Variants in TNKS2 observed in about 807,000 individuals in gnomAD.
TNKS2 encodes poly [ADP-ribose] polymerase tankyrase-2.
TNKS2 carries 72 observed loss-of-function variants against 137.6 expected under a neutral mutation model. The ratio of observed to expected loss-of-function variants is 0.52; its 90% CI spans 0.43 to 0.64. The LOEUF is 0.64. Among genes scored for constraint, TNKS2 ranks in the 30% least tolerant of loss-of-function variants. The probability of loss-of-function intolerance (pLI) is 0.00; values close to 1 mark genes in which losing one functional copy is unlikely to be tolerated. For synonymous variants in TNKS2, 516 were observed against 512.1 expected (o/e 1.01, Z -0.10); for missense variants, 1,049 against 1,410.2 (o/e 0.74, Z 4.10).
chr10:91,829,633 G>A (rs1327645516), intron 9 of TNKS2, among the ~76,000 whole-genome samples: 1 of 152,128 alleles, frequency 6.6e-6, no homozygotes, highest in Non-Finnish European at 1.5e-5. Flanking sequence ...GGTGTCCTGG[G>A]ATGATTACCC....
Position 91,855,199 on chromosome 10 carries a change from T to C in TNKS2, c.2913+73T>C, listed in dbSNP as rs537404751. ...CACTTTGTATCCTCTTGTTTCTTTT[T>C]CTTCCTTTAGTTTGCATTATATAAT... On this transcript the variant is annotated intron_variant, in intron 22 of 26. Coordinates refer to ENST00000371627, the MANE Select transcript of TNKS2 (RefSeq NM_025235.4). The C allele has an allele frequency of 4.3e-4, 411 of 965,228 alleles. 1 individual carries two copies. Among genetic ancestry groups the C allele is most frequent in the African/African-American group, 2.5e-3 (155 of 61,430 alleles). 59.8% of individuals were successfully genotyped at this position (965,228 alleles called of 1,614,324 possible).
rs1337491454 is a variant in TNKS2 at position 91,817,610 on chromosome 10, A to G, written c.520+381A>G. On this transcript the variant is annotated intron_variant, in intron 3 of 26. Coordinates refer to ENST00000371627, the MANE Select transcript of TNKS2 (RefSeq NM_025235.4). Reference sequence around the variant, plus strand: ...CTTCAAAACACTTCTGGTCTTAAGCATTTCAGATAAGGGATATTCAAGCTG... The same window carrying G: ...CTTCAAAACACTTCTGGTCTTAAGCGTTTCAGATAAGGGATATTCAAGCTG... 3.3e-5 allele frequency among the ~76,000 whole-genome samples: 5 copies of G among 152,158 alleles called. No individual in the cohort carries two copies. The South Asian group carries it at 1.0e-3, about 32-fold the overall frequency.
intron 1 of TNKS2, among the ~76,000 whole-genome samples, chr10:91,812,356 C>T (rs528747868): frequency 4.6e-5 from 7 of 152,180 alleles, no homozygotes; most frequent in Admixed American, 1.3e-4. Flanking sequence ...CTAAAGGAGG[C>T]CTCCTACATG....
rs1841906930 is a variant in TNKS2, at chr10:91,833,948, T to G, written c.1371T>G (p.Cys457Trp). The change falls in exon 12 of 27, where the codon TGT (cysteine) becomes TGG (tryptophan). Residue 457 changes from cysteine to tryptophan, a missense_variant. This residue lies in a region of TNKS2 where 328 missense variants were observed against 436.0 expected (regional missense o/e 0.75). Transcript: ENST00000371627. ...QTCRLLLSYG[C>W]DPNIISLQGF... ...GCCGCCTACTCCTGAGCTATGGGTG[T>G]GATCCTAACATTATATCCCTTCAGG... The G allele has an allele frequency of 1.2e-6, 2 of 1,613,798 alleles. No individual in the cohort carries two copies. Among genetic ancestry groups the G allele is most frequent in the Non-Finnish European group, 1.7e-6 (2 of 1,179,884 alleles).
chr10:91,810,632 A>G (rs1450752852), intron 1 of TNKS2, among the ~76,000 whole-genome samples: 1 of 150,794 alleles, frequency 6.6e-6, no homozygotes, highest in Non-Finnish European at 1.5e-5. Flanking sequence ...CCACCCAAGT[A>G]GCTGGGACTA....
chr10:91,819,040 AT>A (rs942682747), intron 3 of TNKS2, among the ~76,000 whole-genome samples: 1 of 152,060 alleles, frequency 6.6e-6, no homozygotes, highest in Admixed American at 6.5e-5. Flanking sequence ...GTTGCCTTTC[AT>A]TATATAAAAT....
chr10:91,840,009 A>G (rs1346841057), intron 13 of TNKS2, among the ~76,000 whole-genome samples: 1 of 152,168 alleles, frequency 6.6e-6, no homozygotes, highest in African/African-American at 2.4e-5. Flanking sequence ...CGGTAATGAT[A>G]AAATTTACCC....
At chr10:91,832,957 TA>T (rs1325179099) in intron 11 of TNKS2, among the ~76,000 whole-genome samples, 2 of 152,200 alleles carry the variant, frequency 1.3e-5, no homozygotes, top group Non-Finnish European at 1.5e-5. Flanking sequence ...CAATATATCT[TA>T]TTTTTTCACA....
At chr10:91,857,108 C>T (rs763655038) in intron 23 of TNKS2, among the ~76,000 whole-genome samples, 2 of 152,208 alleles carry the variant, frequency 1.3e-5, no homozygotes, top group Non-Finnish European at 2.9e-5. Flanking sequence ...AGAAAAAACT[C>T]GGCATGTCTG....
At chr10:91,830,414 C>T (rs1025481208) in intron 9 of TNKS2, among the ~76,000 whole-genome samples, 2 of 152,090 alleles carry the variant, frequency 1.3e-5, no homozygotes, top group Non-Finnish European at 1.5e-5. Context: ...GAGGGGGTTT[C>T]ACCATGTTGG....
intron 21 of TNKS2, 88 bp downstream of exon 21, chr10:91,851,424 A>ATGG: frequency 1.5e-6 from 1 of 676,912 alleles, no homozygotes; most frequent in Non-Finnish European, 1.9e-6. Context: ...TAAAAATATG[A>ATGG]GAGAATCTGT....
Position 91,845,901 on chromosome 10 carries a change from T to C in TNKS2, c.2319T>C (p.Leu773=). ...LLLAHGADPT[L]KNQEGQTPLD... Reference sequence around the variant, plus strand: ...TAGCCCATGGAGCTGACCCGACTCTTAAAAATCAGGAAGGACAAACACCTT... The same window carrying C: ...TAGCCCATGGAGCTGACCCGACTCTCAAAAATCAGGAAGGACAAACACCTT... Residue 773 remains leucine (L), a synonymous_variant, in exon 18 of 27, where the codon CTT becomes CTC. Coordinates refer to ENST00000371627, the MANE Select transcript of TNKS2 (RefSeq NM_025235.4). 6.3e-7 allele frequency: 1 copy of C among 1,585,736 alleles called. No homozygotes were observed. The highest frequency in any genetic ancestry group is 8.6e-7 in the Non-Finnish European group (1 of 1,159,626).
At chr10:91,832,025 TC>T (rs370567032) in intron 11 of TNKS2, among the ~76,000 whole-genome samples, 9 of 152,222 alleles carry the variant, frequency 5.9e-5, no homozygotes, top group Non-Finnish European at 2.9e-5. Context: ...TTCTTACCTA[TC>T]CTTTCTTGAG....
In TNKS2 at chr10:91,798,488, G is replaced by T; in HGVS notation, c.-203G>T. 2.1e-6 allele frequency: 1 copy of T among 472,462 alleles called. No individual in the cohort carries two copies. The highest frequency in any genetic ancestry group is 3.2e-6 in the Non-Finnish European group (1 of 315,474). The allele number at this position is 472,462 out of a possible 1,614,324, so 29.3% of individuals were successfully genotyped here. A position where few individuals can be genotyped will look rare whatever the true frequency, so the allele number is the denominator to read the frequency against. On this transcript the variant is annotated 5_prime_UTR_variant, in exon 1 of 27. Coordinates refer to ENST00000371627, the MANE Select transcript of TNKS2 (RefSeq NM_025235.4). ...GGATTCGCGCTGCCTCCGCCGCCGC[G>T]GGGCAGCCGGGGGGCAGGGAGCCCA...
chr10:91,837,782 A>G (rs1218963390), intron 13 of TNKS2, among the ~76,000 whole-genome samples: 1 of 152,200 alleles, frequency 6.6e-6, no homozygotes, highest in Non-Finnish European at 1.5e-5. Flanking sequence ...GACATCTCAG[A>G]TAACTTCAGA....
chr10:91,854,754 T>C (rs971790712), intron 21 of TNKS2, among the ~76,000 whole-genome samples: 2 of 151,800 alleles, frequency 1.3e-5, no homozygotes, highest in Non-Finnish European at 1.5e-5. Context: ...AAATACAAAA[T>C]TAGCCAGTCG....
chr10:91,809,595 G>A (rs537549176), intron 1 of TNKS2, among the ~76,000 whole-genome samples: 100 of 151,968 alleles, frequency 6.6e-4, no homozygotes, highest in Admixed American at 1.5e-3. Context: ...GAACCTGGGA[G>A]GCGGAGCTTG....
chr10:91,835,472 G>GTAGA (rs1390731751), intron 12 of TNKS2, among the ~76,000 whole-genome samples: 1 of 150,988 alleles, frequency 6.6e-6, no homozygotes, highest in African/African-American at 2.4e-5. Context: ...TGTATTTTTA[G>GTAGA]TAGAGACAGA....
chr10:91,804,467 TAATTA>T (rs1844264056), intron 1 of TNKS2, among the ~76,000 whole-genome samples: 1 of 152,234 alleles, frequency 6.6e-6, no homozygotes, highest in Non-Finnish European at 1.5e-5. Context: ...TGCTGTTCCA[TAATTA>T]CAAAATAAAC....
Sources: allele counts gnomAD v4.1 joint callset (sites outside exome capture counted in the v4.1 genomes callset), GRCh38; gene constraint gnomAD v4.1.1; regional missense constraint gnomAD v4.1.1; transcripts MANE v1.5; gene names NCBI Gene and HGNC (gene_info 2026-07-23, HGNC 2026-07-21).